UGGT2: variants seen among roughly 807,000 people sequenced by gnomAD.
UGGT2 encodes UDP-glucose:glycoprotein glucosyltransferase 2.
UGGT2 carries 180 observed loss-of-function variants against 192.1 expected under a neutral mutation model. The ratio of observed to expected loss-of-function variants is 0.94; its 90% CI spans 0.83 to 1.06. The LOEUF is 1.06. UGGT2 is among the 50% of genes least tolerant of loss of function. The pLI, the probability that UGGT2 is intolerant of heterozygous loss-of-function variation, is 0.00. For missense variants in UGGT2, 1,849 were observed against 1,795.7 expected, an observed-to-expected ratio of 1.03 and a Z score of -0.54; for synonymous variants, 580 against 591.0, an observed-to-expected ratio of 0.98 and a Z score of 0.27.
At chr13:95,816,549 G>A (rs2139763380) in intron 38 of UGGT2, among the ~76,000 whole-genome samples, 1 of 152,288 alleles carries the variant, frequency 6.6e-6, no homozygotes, top group African/African-American at 2.4e-5. Flanking sequence ...CAATGGAATA[G>A]CATTCAAGAA....
intron 1 of UGGT2, among the ~76,000 whole-genome samples, chr13:96,045,723 A>G (rs1434388172): frequency 6.6e-6 from 1 of 152,214 alleles, no homozygotes; most frequent in Non-Finnish European, 1.5e-5. Flanking sequence ...TCAAGAACTC[A>G]ACCCCTTTTA....
chr13:95,988,373 T>C (rs1220528251), intron 8 of UGGT2, among the ~76,000 whole-genome samples: 2 of 152,158 alleles, frequency 1.3e-5, no homozygotes, highest in African/African-American at 2.4e-5. Flanking sequence ...ATTATCTCAG[T>C]AACCTTATTG....
intron 31 of UGGT2, among the ~76,000 whole-genome samples, chr13:95,861,566 T>C (rs1349788518): frequency 6.6e-6 from 1 of 152,158 alleles, no homozygotes; most frequent in East Asian, 1.9e-4. Flanking sequence ...TATAGGCCCA[T>C]TTCATATATA....
intron 15 of UGGT2, among the ~76,000 whole-genome samples, chr13:95,941,354 T>C (rs575288596): frequency 6.6e-6 from 1 of 152,326 alleles, no homozygotes; most frequent in African/African-American, 2.4e-5. Flanking sequence ...CCTTTATCAC[T>C]GTAAACTTTG....
At chr13:95,837,612 G>A (rs1310814406) in intron 36 of UGGT2, among the ~76,000 whole-genome samples, 3 of 152,176 alleles carry the variant, frequency 2.0e-5, no homozygotes, top group East Asian at 1.9e-4. Flanking sequence ...TGGAAACAAT[G>A]ATCCATGAAT....
At chr13:95,983,949 G>A in intron 9 of UGGT2, 85 bp from the exon 10 acceptor site, 1 of 862,124 alleles carries the variant, frequency 1.2e-6, no homozygotes, top group Admixed American at 3.6e-5. Context: ...TAATACTTTG[G>A]ATAAGAAGCT....
At position 95,877,871 on chromosome 13, in the gene UGGT2, T is replaced by C. The variant is rs780184811; in HGVS notation, c.3229-15A>G. The C allele has an allele frequency of 1.2e-6, 2 of 1,602,952 alleles. No homozygotes were observed. The highest frequency in any genetic ancestry group is 2.2e-5 in the East Asian group (1 of 44,650). On this transcript the variant is annotated splice_polypyrimidine_tract_variant and intron_variant, in intron 27 of 38. Transcript: ENST00000376747. ...GTTTTCTCAGTCTGTGGAGGAAGTA[T>C]GTCATTGTTTTTGGTGTTATGTAAA...
At position 95,848,062 on chromosome 13, in the gene UGGT2, G is replaced by A. The variant is rs116263665; in HGVS notation, c.4284+5481C>T. ...GTGTATCCCTGATGATATATGATGTGGAGCATCTGCTCATATGCTTATATG... is the reference window on the plus strand; with the variant it reads ...GTGTATCCCTGATGATATATGATGTAGAGCATCTGCTCATATGCTTATATG... On this transcript the variant is annotated intron_variant, in intron 36 of 38. Coordinates refer to ENST00000376747, the MANE Select transcript of UGGT2 (RefSeq NM_020121.4). Among the ~76,000 whole-genome samples, 482 of 152,262 alleles carry A rather than the reference G, an allele frequency of 3.2e-3. 3 individuals are homozygous for A. The highest frequency in any genetic ancestry group is 0.011 in the African/African-American group (460 of 41,560).
At chr13:96,035,033 C>T (rs960568272) in intron 1 of UGGT2, among the ~76,000 whole-genome samples, 9 of 152,198 alleles carry the variant, frequency 5.9e-5, no homozygotes, top group African/African-American at 2.2e-4. Context: ...TCACGGGATC[C>T]TTATCCTGTG....
At chr13:95,810,956 A>G (rs1280097162) in intron 38 of UGGT2, among the ~76,000 whole-genome samples, 1 of 152,226 alleles carries the variant, frequency 6.6e-6, no homozygotes, top group South Asian at 2.1e-4. Flanking sequence ...ATCTCAATAG[A>G]TATTTCTCTA....
chr13:95,811,511 G>A lies in UGGT2; in HGVS notation c.4529-9699C>T, dbSNP rs536139556. Among the ~76,000 whole-genome samples the A allele has an allele frequency of 2.6e-5, 4 of 152,228 alleles. No homozygotes were observed. The South Asian group carries it at 8.3e-4, about 32-fold the overall frequency. ...AAAGAGGACAGGATTTCTTTATGAG[G>A]TAGTGAATATGTTCTAATTTTGATT... On this transcript the variant is annotated intron_variant, in intron 38 of 38. Coordinates refer to ENST00000376747, the MANE Select transcript of UGGT2 (RefSeq NM_020121.4).
intron 10 of UGGT2, among the ~76,000 whole-genome samples, chr13:95,981,345 T>C (rs2051118032): frequency 1.1e-4 from 1 of 9,294 alleles, no homozygotes. Context: ...GCGCCTGTGG[T>C]CCCGGCTACT....
intron 5 of UGGT2, among the ~76,000 whole-genome samples, chr13:96,005,382 G>C (rs557588168): frequency 2.2e-4 from 33 of 152,290 alleles, no homozygotes; most frequent in African/African-American, 7.7e-4. Flanking sequence ...GACATAGCAA[G>C]GCTGAAACCC....
chr13:95,899,220 C>T (rs1231342280), intron 22 of UGGT2, among the ~76,000 whole-genome samples: 1 of 152,166 alleles, frequency 6.6e-6, no homozygotes, highest in Non-Finnish European at 1.5e-5. Context: ...TTCCAAGCAT[C>T]CAGAAGTATA....
chr13:95,994,305 A>G (rs2051549960), intron 7 of UGGT2, among the ~76,000 whole-genome samples: 2 of 151,918 alleles, frequency 1.3e-5, no homozygotes, highest in Non-Finnish European at 2.9e-5. Flanking sequence ...AAACCAATAT[A>G]ATAAAGAGGA....
intron 17 of UGGT2, 126 bp from the exon 18 acceptor site, chr13:95,927,462 T>A: frequency 4.5e-6 from 3 of 659,530 alleles, no homozygotes; most frequent in Non-Finnish European, 6.8e-6. Flanking sequence ...TTACAATACA[T>A]TTTCTTTCTT....
At chr13:95,910,551 T>C (rs1166840106) in intron 20 of UGGT2, among the ~76,000 whole-genome samples, 1 of 152,142 alleles carries the variant, frequency 6.6e-6, no homozygotes, top group Non-Finnish European at 1.5e-5. Context: ...ATCCCAAATA[T>C]ATATGCACCC....
chr13:96,005,683 AAATTTACAGT>A (rs1365496613), intron 5 of UGGT2, among the ~76,000 whole-genome samples: 1 of 152,226 alleles, frequency 6.6e-6, no homozygotes, highest in East Asian at 1.9e-4. Context: ...CTTGAGGCCC[AAATTTACAGT>A]ATGCCTAGAA....
At chr13:95,999,096 T>A (rs2051715549) in intron 6 of UGGT2, 115 bp downstream of exon 6, 1 of 616,356 alleles carries the variant, frequency 1.6e-6, no homozygotes, top group African/African-American at 1.8e-5. Context: ...GTCCACCCCA[T>A]CTCTAGCCTC....
Sources: allele counts gnomAD v4.1 joint callset (sites outside exome capture counted in the v4.1 genomes callset), GRCh38; gene constraint gnomAD v4.1.1; transcripts MANE v1.5; gene names NCBI Gene and HGNC (gene_info 2026-07-23, HGNC 2026-07-21).